Variants in SETD7 observed in about 807,000 individuals in gnomAD.
SETD7 encodes the protein SET domain containing 7, histone lysine methyltransferase.
SETD7 carries 16 observed loss-of-function variants against 41.8 expected under a neutral mutation model. The ratio of observed to expected loss-of-function variants is 0.38; its 90% CI spans 0.26 to 0.58. The LOEUF is 0.58. SETD7 is among the 20% of genes least tolerant of loss of function. The probability of loss-of-function intolerance (pLI) is 0.64; values close to 1 mark genes in which losing one functional copy is unlikely to be tolerated. For missense variants in SETD7, 346 were observed against 459.7 expected (o/e 0.75, Z 2.26); for synonymous variants, 163 against 169.7 (o/e 0.96, Z 0.31).
intron 4 of SETD7, 129 bp downstream of exon 4, chr4:139,528,902 T>A: frequency 1.2e-6 from 1 of 803,060 alleles, no homozygotes. Flanking sequence ...TGTTATGCAA[T>A]AAAACCTGAC....
At chr4:139,516,990 C>T (rs999972156) in intron 7 of SETD7, among the ~76,000 whole-genome samples, 4 of 152,308 alleles carry the variant, frequency 2.6e-5, no homozygotes, top group African/African-American at 9.6e-5. Flanking sequence ...TTGGACATTT[C>T]ATATAAATGG....
At chr4:139,536,605 A>C (rs1422675400) in intron 2 of SETD7, among the ~76,000 whole-genome samples, 1 of 152,012 alleles carries the variant, frequency 6.6e-6, no homozygotes, top group African/African-American at 2.4e-5. Context: ...ACAGCTACTC[A>C]GGAGGGTGAG....
intron 3 of SETD7, 63 bp downstream of exon 3, chr4:139,533,102 C>T (rs780587344): frequency 3.9e-5 from 56 of 1,421,026 alleles, no homozygotes; most frequent in Non-Finnish European, 5.2e-5. Context: ...ATACATTTTA[C>T]TCTTCATTGT....
In SETD7 at chr4:139,542,136, C is replaced by T. The variant is rs947392994; in HGVS notation, c.170+4784G>A. On this transcript the variant is annotated intron_variant, in intron 2 of 7. Transcript: ENST00000274031. ...ATCATGTAAAGTGAAATAAGCCAAG[C>T]ACAAAAGGACAAATACCGCATGATC... is the stretch of plus-strand genomic sequence containing the variant. Among the ~76,000 whole-genome samples the T allele has an allele frequency of 1.2e-4, 18 of 152,248 alleles. No individual in the cohort carries two copies. In the East Asian group the frequency reaches 3.5e-3, roughly 29 times the overall value.
In SETD7 at chr4:139,536,253, C is replaced by T. The variant is rs151312712; in HGVS notation, c.171-2887G>A. Among the ~76,000 whole-genome samples, 1,085 of 152,336 alleles carry T rather than the reference C, an allele frequency of 7.1e-3. 13 individuals carry two copies. The highest frequency in any genetic ancestry group is 0.025 in the African/African-American group (1,024 of 41,578). The stretch of plus-strand genomic sequence containing the variant: ...AGCTTAGCTTCCACACTATATTTTT[C>T]CTTGCTTTCCATAATACATATGGGA... On this transcript the variant is annotated intron_variant, in intron 2 of 7. Coordinates refer to ENST00000274031, the MANE Select transcript of SETD7 (RefSeq NM_030648.4).
downstream of SETD7, among the ~76,000 whole-genome samples, chr4:139,505,732 T>C (rs1446324617): frequency 6.6e-6 from 1 of 152,212 alleles, no homozygotes; most frequent in Non-Finnish European, 1.5e-5. Flanking sequence ...AAATCATGAA[T>C]TGAAGTTTCC....
At chr4:139,500,963 G>A (rs920032780) in intron 7 of SETD7, among the ~76,000 whole-genome samples, 2 of 151,876 alleles carry the variant, frequency 1.3e-5, no homozygotes, top group Non-Finnish European at 2.9e-5. Context: ...GGCTCTCTGC[G>A]GCCCCCCTCA....
intron 2 of SETD7, among the ~76,000 whole-genome samples, chr4:139,543,692 C>A (rs2111167391): frequency 6.6e-6 from 1 of 151,954 alleles, no homozygotes; most frequent in South Asian, 2.1e-4. Flanking sequence ...GTGGCTCACA[C>A]CCGTAATCCC....
intron 6 of SETD7, among the ~76,000 whole-genome samples, chr4:139,519,703 T>G (rs1414888258): frequency 6.6e-6 from 1 of 152,230 alleles, no homozygotes; most frequent in African/African-American, 2.4e-5. Context: ...AAGGAGCGCA[T>G]AAGCTGTGCT....
Position 139,511,581 on chromosome 4 carries a change from C to T in SETD7, c.*82G>A, listed in dbSNP as rs1726878672. 5 of 1,596,840 alleles carry T rather than the reference C, an allele frequency of 3.1e-6. No individual in the cohort carries two copies. Among genetic ancestry groups the T allele is most frequent in the Non-Finnish European group, 4.3e-6 (5 of 1,176,148 alleles). On this transcript the variant is annotated 3_prime_UTR_variant, in exon 8 of 8. Coordinates refer to ENST00000274031, the MANE Select transcript of SETD7 (RefSeq NM_030648.4). ...ATGTGACGTCACAGCATGAGCAGTC[C>T]CTGGTTGTCCCATTGTCAGATAAAC...
intron 2 of SETD7, among the ~76,000 whole-genome samples, chr4:139,539,859 G>GAT (rs967979897): frequency 6.6e-6 from 1 of 152,148 alleles, no homozygotes; most frequent in African/African-American, 2.4e-5. Context: ...ACCATGTGAG[G>GAT]ATATCAGGAG....
At chr4:139,536,752 C>T (rs113619766) in intron 2 of SETD7, among the ~76,000 whole-genome samples, 1,680 of 151,116 alleles carry the variant, frequency 0.011, 31 homozygotes, top group African/African-American at 0.036. Context: ...GCCTGTAATC[C>T]CAGCCCTTTG....
chr4:139,515,696 C>T (rs1727005074), intron 7 of SETD7, among the ~76,000 whole-genome samples: 1 of 152,192 alleles, frequency 6.6e-6, no homozygotes, highest in South Asian at 2.1e-4. Flanking sequence ...AGCTTCAGTG[C>T]TTGTTAAGGG....
At position 139,499,648 on chromosome 4, in the gene SETD7, C is replaced by A. The variant is rs538173321; in HGVS notation, c.921-3127G>T. ...CAATCAATCCTTTCAGTTTCCCAGC[C>A]CCCTTCCCACCAAAGTACCCTTAAA... On this transcript the variant is annotated intron_variant, in intron 7 of 7. Coordinates refer to the SETD7 transcript ENST00000506866. Among the ~76,000 whole-genome samples, 3 of 150,110 alleles carry A rather than the reference C, an allele frequency of 2.0e-5. No individual in the cohort carries two copies. The East Asian group carries it at 5.8e-4, about 29-fold the overall frequency.
intron 5 of SETD7, among the ~76,000 whole-genome samples, chr4:139,522,466 C>T (rs999487816): frequency 1.3e-5 from 2 of 152,190 alleles, no homozygotes; most frequent in African/African-American, 2.4e-5. Context: ...AGTGGGCTTA[C>T]AAACCAGAAA....
intron 2 of SETD7, 135 bp from the exon 3 acceptor site, chr4:139,533,501 T>A: frequency 1.4e-6 from 1 of 705,148 alleles, no homozygotes; most frequent in Non-Finnish European, 2.4e-6. Flanking sequence ...TCCTAAATTA[T>A]CATCGACTGC....
chr4:139,500,697 C>T (rs913472083), intron 7 of SETD7, among the ~76,000 whole-genome samples: 5 of 152,096 alleles, frequency 3.3e-5, no homozygotes, highest in African/African-American at 4.8e-5. Context: ...TCAGTAGAGA[C>T]GGGGTTTTGC....
At chr4:139,542,291 T>TAATATCTACAGGTACA (rs1727801041) in intron 2 of SETD7, among the ~76,000 whole-genome samples, 1 of 152,236 alleles carries the variant, frequency 6.6e-6, no homozygotes, top group East Asian at 1.9e-4. Context: ...GGTACAAAGT[T>TAATATCTACAGGTACA]ACAGTTAGAT....
downstream of SETD7, among the ~76,000 whole-genome samples, chr4:139,505,699 A>AACAAAATT (rs1376113686): frequency 6.6e-6 from 1 of 152,192 alleles, no homozygotes; most frequent in Non-Finnish European, 1.5e-5. Context: ...CACAACGTCT[A>AACAAAATT]ACAAAATTTC....
Sources: gnomAD v4.1 joint callset for allele counts (sites outside exome capture counted in the v4.1 genomes callset) on GRCh38, gnomAD v4.1.1 for gene constraint, MANE v1.5 for transcripts, NCBI Gene and HGNC (gene_info 2026-07-23, HGNC 2026-07-21) for gene names.